The following IFI30 variants were observed in gnomAD, a reference collection of about 807,000 sequenced individuals.
IFI30 encodes gamma-interferon-inducible lysosomal thiol reductase.
A neutral mutation model predicts 30.1 loss-of-function variants in IFI30; 26 were observed. That is an observed-to-expected ratio of 0.87 (90% confidence interval 0.63 to 1.20). The LOEUF is 1.20. Among genes scored for constraint, IFI30 ranks in the 50% most tolerant of loss-of-function variants. The pLI, the probability that IFI30 is intolerant of heterozygous loss-of-function variation, is 0.00. For missense variants in IFI30, 296 were observed against 312.5 expected (o/e 0.95, Z 0.40); for synonymous variants, 149 against 134.5 (o/e 1.11, Z -0.75).
chr19:18,177,707 G>A lies in IFI30; in HGVS notation c.637-4G>A. 6.2e-7 allele frequency: 1 copy of A among 1,613,726 alleles called. No homozygotes were observed. ...ATATGCGACCCCTGTCTTGCTTTGT[G>A]CAGAAACCCTTGGAAGATCAGACCC... On this transcript the variant is annotated splice_polypyrimidine_tract_variant and splice_region_variant and intron_variant, in intron 5 of 6. Transcript: ENST00000407280.
intron 1 of IFI30, 39 bp downstream of exon 1, chr19:18,174,012 G>A: frequency 1.3e-6 from 2 of 1,521,400 alleles, no homozygotes; most frequent in Non-Finnish European, 1.8e-6. Flanking sequence ...GGAGGGAACA[G>A]GCGCCCTGTC....
At position 18,177,147 on chromosome 19, in the gene IFI30, A is replaced by G; in HGVS notation, c.491A>G (p.Gln164Arg). The G allele has an allele frequency of 1.3e-6, 2 of 1,559,580 alleles. No homozygotes were observed. Among genetic ancestry groups the G allele is most frequent in the South Asian group, 1.2e-5 (1 of 84,552 alleles). ...DMERSLPLCL[Q>R]LYAPGLSPDT... ...TGCTCCCCACCCACCCAGTGCCTGC[A>G]GCTCTACGCCCCAGGGCTGTCGCCA... The change falls in exon 5 of 7, where the codon CAG becomes CGG. Residue 164 changes from glutamine to arginine, a missense_variant. By Grantham distance (43) the Gln-to-Arg change is conservative (BLOSUM62 1). Transcript: ENST00000407280.
At chr19:18,176,141 CTTTTTTT>C (rs71336666) in intron 4 of IFI30, among the ~76,000 whole-genome samples, 6 of 56,448 alleles carry the variant, frequency 1.1e-4, no homozygotes, top group African/African-American at 1.5e-4. Flanking sequence ...GCACCCAGCC[CTTTTTTT>C]TTTTTTTTTT....
At position 18,177,279 on chromosome 19, in the gene IFI30, T is replaced by A. The variant is rs770765673; in HGVS notation, c.623T>A (p.Val208Asp). The A allele has an allele frequency of 5.1e-6, 8 of 1,583,912 alleles. No individual in the cohort carries two copies. The highest frequency in any genetic ancestry group is 6.0e-6 in the Non-Finnish European group (7 of 1,165,082). Residue 208 changes from valine (V) to aspartate (D), a missense_variant, in exon 5 of 7, where the codon GTC (valine) becomes GAC (aspartate). Physicochemically the swap from Val to Asp is radical, Grantham distance 152. Transcript: ENST00000407280. ...CCACCACACGAGTATGTGCCCTGGG[T>A]CACCGTCAATGGGGTAAGAATCTTT... is the stretch of plus-strand genomic sequence containing the variant. ...LQPPHEYVPWVTVNGKPLEDQ... is the reference protein window; with the variant it reads ...LQPPHEYVPWDTVNGKPLEDQ...
intron 4 of IFI30, among the ~76,000 whole-genome samples, chr19:18,176,835 C>T (rs1039749784): frequency 6.6e-6 from 1 of 152,138 alleles, no homozygotes; most frequent in African/African-American, 2.4e-5. Context: ...GTGTTCCTGG[C>T]AGAGGGATCA....
At chr19:18,174,776 G>A (rs753435205) in intron 1 of IFI30, 1 of 420,788 alleles carries the variant, frequency 2.4e-6, no homozygotes, top group Non-Finnish European at 4.3e-6. Flanking sequence ...GGAGGCTGAG[G>A]CAGGACAATT....
Position 18,173,835 on chromosome 19 carries a change from T to C in IFI30, c.-7T>C. 1.3e-6 allele frequency: 2 copies of C among 1,544,072 alleles called. No homozygotes were observed. Among genetic ancestry groups the C allele is most frequent in the Non-Finnish European group, 1.7e-6 (2 of 1,145,460 alleles). On this transcript the variant is annotated 5_prime_UTR_variant, in exon 1 of 7. Transcript: ENST00000407280. ...GCTGCAGTCGCCACACCTTTGCCCC[T>C]GCTGCGATGACCCTGTCGCCACTTC...
intron 1 of IFI30, 79 bp from the exon 2 acceptor site, chr19:18,174,961 C>A (rs1967248330): frequency 1.7e-6 from 2 of 1,179,384 alleles, no homozygotes; most frequent in African/African-American, 1.5e-5. Flanking sequence ...CCCCTTTCTA[C>A]AAGACTACCA....
Position 18,177,844 on chromosome 19 carries a change from T to C in IFI30, c.691-5T>C. On this transcript the variant is annotated splice_polypyrimidine_tract_variant and splice_region_variant and intron_variant, in intron 6 of 6. Coordinates refer to ENST00000407280, the MANE Select transcript of IFI30 (RefSeq NM_006332.5). ...AGGACCCCAACTCATGGCCTTCACCTCCAGGGCAAGAAGCCGGATGTCTGC... is the reference window on the plus strand; with the variant it reads ...AGGACCCCAACTCATGGCCTTCACCCCCAGGGCAAGAAGCCGGATGTCTGC... 6.2e-7 allele frequency: 1 copy of C among 1,603,660 alleles called. No homozygotes were observed. Among genetic ancestry groups the C allele is most frequent in the Non-Finnish European group, 8.5e-7 (1 of 1,175,066 alleles).
In IFI30 at chr19:18,177,756, T is replaced by C; in HGVS notation, c.682T>C (p.Leu228=). ...QTQLLTLVCQ[L]YQGKKPDVCP... is the part of the protein sequence containing the mutation. ...CCAGCTCCTTACCCTTGTCTGCCAG[T>C]TGTACCAGGTAAGCTGGGAGGGGAG... Residue 228 remains leucine (L), a synonymous_variant, in exon 6 of 7, where the codon TTG becomes CTG. Coordinates refer to ENST00000407280, the MANE Select transcript of IFI30 (RefSeq NM_006332.5). 6.2e-7 allele frequency: 1 copy of C among 1,613,746 alleles called. No individual in the cohort carries two copies. Among genetic ancestry groups the C allele is most frequent in the Non-Finnish European group, 8.5e-7 (1 of 1,179,806 alleles).
intron 5 of IFI30, 145 bp from the exon 6 acceptor site, chr19:18,177,566 C>T (rs1568644555): frequency 2.1e-6 from 2 of 967,568 alleles, no homozygotes; most frequent in Non-Finnish European, 1.6e-6. Flanking sequence ...TAGCCACCCC[C>T]ATTGGGAAAG....
Position 18,177,715 on chromosome 19 carries a change from C to G in IFI30, c.641C>G (p.Pro214Arg). 1 of 1,613,798 alleles carries G rather than the reference C, an allele frequency of 6.2e-7. No homozygotes were observed. Among genetic ancestry groups the G allele is most frequent in the Non-Finnish European group, 8.5e-7 (1 of 1,179,850 alleles). The change falls in exon 6 of 7, where the codon CCC (proline) becomes CGC (arginine). Residue 214 changes from proline to arginine, a missense_variant. Pro to Arg is a moderately radical substitution (Grantham distance 103, BLOSUM62 -2). Transcript: ENST00000407280. The stretch of plus-strand genomic sequence containing the variant: ...CCCCTGTCTTGCTTTGTGCAGAAAC[C>G]CTTGGAAGATCAGACCCAGCTCCTT... Reference protein sequence around the residue: ...YVPWVTVNGKPLEDQTQLLTL... With the variant: ...YVPWVTVNGKRLEDQTQLLTL...
At chr19:18,174,609 C>T (rs1477650321) in intron 1 of IFI30, 1 of 171,298 alleles carries the variant, frequency 5.8e-6, no homozygotes, top group Non-Finnish European at 1.3e-5. Flanking sequence ...GGCGGTGGCT[C>T]ATGCCTGTAA....
At chr19:18,175,502 T>G in intron 3 of IFI30, 103 bp from the exon 4 acceptor site, 1 of 1,387,886 alleles carries the variant, frequency 7.2e-7, no homozygotes, top group South Asian at 1.2e-5. Context: ...AATCACATCT[T>G]TATTCCCTAT....
Position 18,173,895 on chromosome 19 carries a change from C to T in IFI30, c.54C>T (p.Asp18=), listed in dbSNP as rs1390545609. The T allele has an allele frequency of 9.0e-6, 14 of 1,551,220 alleles. 1 individual carries two copies. In the South Asian group the frequency reaches 1.2e-4, roughly 13 times the overall value. The change falls in exon 1 of 7, where the codon GAC becomes GAT. Residue 18 remains aspartate, a synonymous_variant. Coordinates refer to ENST00000407280, the MANE Select transcript of IFI30 (RefSeq NM_006332.5). The part of the protein sequence containing the change: ...LFLPPLLLLL[D]VPTAAVQASP... ...TGCCACCGCTGCTGCTGCTGCTGGACGTCCCCACGGCGGCGGTGCAGGCGT... is the reference window on the plus strand; with the variant it reads ...TGCCACCGCTGCTGCTGCTGCTGGATGTCCCCACGGCGGCGGTGCAGGCGT...
intron 5 of IFI30, 81 bp downstream of exon 5, chr19:18,177,373 A>C: frequency 6.9e-7 from 1 of 1,457,296 alleles, no homozygotes; most frequent in Non-Finnish European, 9.2e-7. Context: ...ACCAGAGATA[A>C]AGGAACCCAG....
Position 18,175,023 on chromosome 19 carries a change from G to A in IFI30, c.133-17G>A, listed in dbSNP as rs773290508. ...GCCCAGGGCTACACCTGCCTCCCAC[G>A]CCTTCCTAATCCACAGACAGGCAAT... On this transcript the variant is annotated splice_polypyrimidine_tract_variant and intron_variant, in intron 1 of 6. Transcript: ENST00000407280. The A allele has an allele frequency of 8.1e-6, 13 of 1,609,318 alleles. No individual in the cohort carries two copies. The highest frequency in any genetic ancestry group is 4.0e-5 in the African/African-American group (3 of 74,862).
At chr19:18,174,889 CA>C in intron 1 of IFI30, 150 bp from the exon 2 acceptor site, 1 of 592,892 alleles carries the variant, frequency 1.7e-6, no homozygotes, top group Non-Finnish European at 2.9e-6. Flanking sequence ...AAAAAAGTCT[CA>C]AAGTCAAGAT....
chr19:18,174,940 C>G (rs1046441224), intron 1 of IFI30, 100 bp from the exon 2 acceptor site: 1 of 901,764 alleles, frequency 1.1e-6, no homozygotes, highest in East Asian at 2.6e-5. Flanking sequence ...AGATGAATTG[C>G]GTATCACAGC....
Sources: allele counts gnomAD v4.1 joint callset (sites outside exome capture counted in the v4.1 genomes callset), GRCh38; gene constraint gnomAD v4.1.1; transcripts MANE v1.5; gene names NCBI Gene and HGNC (gene_info 2026-07-23, HGNC 2026-07-21).